The following FBXL7 variants were observed in gnomAD, a reference collection of about 807,000 sequenced individuals.
FBXL7 encodes F-box/LRR-repeat protein 7.
Under a neutral mutation model 38.3 loss-of-function variants are expected in FBXL7, and 12 were observed. The observed-to-expected ratio is 0.31, with a 90% CI of 0.20 to 0.51. FBXL7 has a LOEUF of 0.51. Ranked by LOEUF, FBXL7 falls within the 20% of genes least tolerant of loss-of-function variation. FBXL7 has a pLI of 0.98. For synonymous variants in FBXL7, 297 were observed against 300.9 expected, an observed-to-expected ratio of 0.99 and a Z score of 0.13; for missense variants, 567 against 676.4, an observed-to-expected ratio of 0.84 and a Z score of 1.79.
chr5:15,804,980 G>GA (rs1737666745), intron 2 of FBXL7, among the ~76,000 whole-genome samples: 1 of 147,320 alleles, frequency 6.8e-6, no homozygotes, highest in South Asian at 2.2e-4. Flanking sequence ...AGATCAAGAT[G>GA]TCAGCAGGGC....
chr5:15,502,074 G>T (rs2126340418), intron 1 of FBXL7, among the ~76,000 whole-genome samples: 1 of 152,092 alleles, frequency 6.6e-6, no homozygotes, highest in African/African-American at 2.4e-5. Context: ...AAAATGTGAG[G>T]AAAAGTAAGT....
chr5:15,691,041 T>G (rs1438838287), intron 2 of FBXL7, among the ~76,000 whole-genome samples: 1 of 152,230 alleles, frequency 6.6e-6, no homozygotes, highest in East Asian at 1.9e-4. Flanking sequence ...GTGGAATGTT[T>G]CCTGTATGTG....
chr5:15,780,977 GT>G (rs1736975492), intron 2 of FBXL7, among the ~76,000 whole-genome samples: 1 of 152,134 alleles, frequency 6.6e-6, no homozygotes, highest in Non-Finnish European at 1.5e-5. Context: ...TAATTGTAAA[GT>G]TTGTGATCTC....
At chr5:15,791,607 T>A (rs1288894298) in intron 2 of FBXL7, among the ~76,000 whole-genome samples, 2 of 152,152 alleles carry the variant, frequency 1.3e-5, no homozygotes, top group East Asian at 3.9e-4. Context: ...GATGGGAAGT[T>A]CCCTGGTGGG....
At chr5:15,724,970 T>C (rs1012959777) in intron 2 of FBXL7, among the ~76,000 whole-genome samples, 5 of 152,168 alleles carry the variant, frequency 3.3e-5, no homozygotes, top group African/African-American at 9.7e-5. Flanking sequence ...TGTGTTCCAA[T>C]AAAACATTAT....
intron 1 of FBXL7, among the ~76,000 whole-genome samples, chr5:15,562,988 T>TTAGAAAGGA (rs1177393544): frequency 6.6e-6 from 1 of 152,096 alleles, no homozygotes; most frequent in Non-Finnish European, 1.5e-5. Flanking sequence ...GCTTTCAACA[T>TTAGAAAGGA]TAGAAAGGAT....
intron 2 of FBXL7, among the ~76,000 whole-genome samples, chr5:15,786,055 A>G (rs1737124076): frequency 6.6e-6 from 1 of 152,232 alleles, no homozygotes; most frequent in Non-Finnish European, 1.5e-5. Flanking sequence ...GAAAAAAGCA[A>G]CACACAAAAA....
At chr5:15,915,418 G>A (rs565288072) in intron 2 of FBXL7, among the ~76,000 whole-genome samples, 2 of 152,318 alleles carry the variant, frequency 1.3e-5, no homozygotes, top group South Asian at 4.1e-4. Context: ...GTGTTGCAGT[G>A]TAACTCTAGT....
At chr5:15,675,634 C>T (rs548117515) in intron 2 of FBXL7, among the ~76,000 whole-genome samples, 1 of 152,176 alleles carries the variant, frequency 6.6e-6, no homozygotes, top group Non-Finnish European at 1.5e-5. Flanking sequence ...CCATTCCCAC[C>T]ACTGATCACA....
At chr5:15,795,000 C>G (rs1579468734) in intron 2 of FBXL7, among the ~76,000 whole-genome samples, 2 of 152,300 alleles carry the variant, frequency 1.3e-5, no homozygotes, top group South Asian at 4.1e-4. Context: ...TTAGCATGAA[C>G]TGCTTATGAA....
chr5:15,590,819 G>C (rs960987527), intron 1 of FBXL7, among the ~76,000 whole-genome samples: 16 of 152,170 alleles, frequency 1.1e-4, no homozygotes, highest in Non-Finnish European at 2.2e-4. Flanking sequence ...GCTCGATAAA[G>C]CAGGAACTAG....
At chr5:15,902,808 G>A (rs916186349) in intron 2 of FBXL7, among the ~76,000 whole-genome samples, 3 of 152,208 alleles carry the variant, frequency 2.0e-5, no homozygotes, top group African/African-American at 4.8e-5. Flanking sequence ...AGTCCTTCGG[G>A]GTGGATTCAG....
chr5:15,757,643 G>A (rs766424286), intron 2 of FBXL7, among the ~76,000 whole-genome samples: 20 of 152,080 alleles, frequency 1.3e-4, no homozygotes, highest in Middle Eastern at 6.8e-3. Flanking sequence ...TTCCAGCTCT[G>A]TCATCCAGTA....
intron 1 of FBXL7, among the ~76,000 whole-genome samples, chr5:15,518,235 C>A (rs1736999672): frequency 6.6e-6 from 1 of 152,106 alleles, no homozygotes; most frequent in African/African-American, 2.4e-5. Context: ...AAGTGATTCA[C>A]CAGTTACAGA....
chr5:15,777,708 C>A (rs2055624), intron 2 of FBXL7, among the ~76,000 whole-genome samples: 14,615 of 124,268 alleles, frequency 0.12, 830 homozygotes, highest in South Asian at 0.16. Context: ...TGTTTGCAAA[C>A]CCCTATTCTG....
chr5:15,918,831 C>T (rs75600085), intron 2 of FBXL7, among the ~76,000 whole-genome samples: 9 of 152,336 alleles, frequency 5.9e-5, no homozygotes, highest in East Asian at 3.9e-4. Flanking sequence ...AACTGCTGGA[C>T]GATATTCTCA....
intron 1 of FBXL7, among the ~76,000 whole-genome samples, chr5:15,586,343 T>C (rs879308084): frequency 2.1e-4 from 30 of 139,656 alleles, no homozygotes; most frequent in South Asian, 1.5e-3. Context: ...ATCTCTCTCT[T>C]TCTCCCTCTC....
At chr5:15,873,858 T>C (rs1333666607) in intron 2 of FBXL7, among the ~76,000 whole-genome samples, 1 of 152,168 alleles carries the variant, frequency 6.6e-6, no homozygotes, top group African/African-American at 2.4e-5. Flanking sequence ...CTGGTACCAT[T>C]CCTTCTGAAA....
At chr5:15,827,199 A>G (rs1029348205) in intron 2 of FBXL7, among the ~76,000 whole-genome samples, 5 of 151,742 alleles carry the variant, frequency 3.3e-5, no homozygotes, top group South Asian at 2.1e-4. Flanking sequence ...AACATTCAAT[A>G]TATTACATTT....
Sources: gnomAD v4.1 joint callset for allele counts (sites outside exome capture counted in the v4.1 genomes callset) on GRCh38, gnomAD v4.1.1 for gene constraint, MANE v1.5 for transcripts, NCBI Gene and HGNC (gene_info 2026-07-23, HGNC 2026-07-21) for gene names.